SHC3: variants seen among roughly 807,000 people sequenced by gnomAD.
SHC3 encodes the protein SHC adaptor protein 3, also known as SHC-transforming protein 3.
In SHC3, 15 loss-of-function variants were observed where a neutral mutation model predicts 60.4. The ratio of observed to expected loss-of-function variants is 0.25; its 90% CI spans 0.17 to 0.38. The LOEUF is 0.38. Among genes scored for constraint, SHC3 ranks in the 10% least tolerant of loss-of-function variants. SHC3 has a pLI of 1.00. For synonymous variants in SHC3, 294 were observed against 325.9 expected, an observed-to-expected ratio of 0.90 and a Z score of 1.05; for missense variants, 677 against 786.1, an observed-to-expected ratio of 0.86 and a Z score of 1.66.
chr9:89,037,316 C>T (rs958012307), intron 11 of SHC3: 4 of 575,448 alleles, frequency 7.0e-6, no homozygotes, highest in African/African-American at 1.9e-5. Context: ...GTTGTTTTCA[C>T]TGGATAAAAG....
intron 1 of SHC3, among the ~76,000 whole-genome samples, chr9:89,166,519 C>T (rs542308343): frequency 2.2e-4 from 34 of 152,118 alleles, no homozygotes; most frequent in Non-Finnish European, 4.4e-5. Context: ...GCTTCAAGGC[C>T]GAGACTGGGA....
At chr9:89,140,445 TG>T (rs1048007915) in intron 1 of SHC3, among the ~76,000 whole-genome samples, 1 of 150,672 alleles carries the variant, frequency 6.6e-6, no homozygotes, top group African/African-American at 2.4e-5. Context: ...TGGTGGTGGG[TG>T]GGGGGGCGCA....
intron 1 of SHC3, among the ~76,000 whole-genome samples, chr9:89,177,522 G>C (rs1444591603): frequency 6.6e-6 from 1 of 152,202 alleles, no homozygotes; most frequent in African/African-American, 2.4e-5. Flanking sequence ...CTTGCTGCGG[G>C]GGGCAACAAG....
At chr9:89,064,386 G>A (rs544126693) in intron 6 of SHC3, among the ~76,000 whole-genome samples, 4 of 152,066 alleles carry the variant, frequency 2.6e-5, no homozygotes, top group African/African-American at 7.2e-5. Context: ...AGGCAGCCAC[G>A]GGACATGTGG....
chr9:89,050,069 AC>A (rs558949773), intron 7 of SHC3, among the ~76,000 whole-genome samples: 24 of 152,370 alleles, frequency 1.6e-4, no homozygotes, highest in African/African-American at 5.3e-4. Flanking sequence ...TTGGATGGAT[AC>A]ATAGATATGT....
At chr9:89,112,190 G>C (rs1401655387) in intron 2 of SHC3, among the ~76,000 whole-genome samples, 1 of 152,050 alleles carries the variant, frequency 6.6e-6, no homozygotes, top group Non-Finnish European at 1.5e-5. Flanking sequence ...AGTCTCTCTT[G>C]ACATCTTGAT....
chr9:89,125,119 G>C (rs1826146165), intron 1 of SHC3, among the ~76,000 whole-genome samples: 1 of 152,104 alleles, frequency 6.6e-6, no homozygotes, highest in Non-Finnish European at 1.5e-5. Flanking sequence ...GGAGCTGTGG[G>C]TCTGCAGCAG....
At position 89,007,380 on chromosome 9, in the gene SHC3, C is replaced by T. The variant is rs1359068853; in HGVS notation, c.*6067G>A. On this transcript the variant is annotated 3_prime_UTR_variant, in exon 12 of 12. Transcript: ENST00000375835. ...ACTTGGACACACGGGTACCTTAAGG[C>T]TTGTCACACTCCAACACCTTTGTGT... 1 of 152,280 alleles carries T rather than the reference C, an allele frequency of 6.6e-6. No homozygotes were observed. Among genetic ancestry groups the T allele is most frequent in the Non-Finnish European group, 1.5e-5 (1 of 68,066 alleles). 9.4% of individuals were successfully genotyped at this position (152,280 alleles called of 1,614,324 possible). A position where few individuals can be genotyped will look rare whatever the true frequency, so the allele number is the denominator to read the frequency against.
intron 2 of SHC3, among the ~76,000 whole-genome samples, chr9:89,104,655 G>A (rs1587729369): frequency 6.6e-6 from 1 of 152,222 alleles, no homozygotes; most frequent in East Asian, 1.9e-4. Context: ...GAGATCTTCT[G>A]TACTTTGCTG....
intron 6 of SHC3, among the ~76,000 whole-genome samples, chr9:89,059,182 ATGGTGGAGGACAG>A (rs1356374123): frequency 5.8e-5 from 6 of 104,342 alleles, no homozygotes; most frequent in Non-Finnish European, 1.2e-4. Flanking sequence ...GGTGTAGGAC[ATGGTGGAGGACAG>A]TGGTGGAGGA....
intron 2 of SHC3, among the ~76,000 whole-genome samples, chr9:89,106,088 G>T (rs1319227726): frequency 4.6e-5 from 7 of 152,162 alleles, no homozygotes; most frequent in Admixed American, 1.3e-4. Flanking sequence ...GGGGTGTCAT[G>T]CATGTTCTCT....
At chr9:89,071,999 C>G (rs750776235) in intron 4 of SHC3, among the ~76,000 whole-genome samples, 4 of 152,204 alleles carry the variant, frequency 2.6e-5, no homozygotes, top group Non-Finnish European at 5.9e-5. Context: ...ACTCCTATCT[C>G]TTTTTCTCTT....
intron 2 of SHC3, among the ~76,000 whole-genome samples, chr9:89,078,909 T>A (rs1236603910): frequency 6.6e-6 from 1 of 152,168 alleles, no homozygotes; most frequent in East Asian, 1.9e-4. Context: ...CTATAAACTT[T>A]CCGAGCTCAA....
chr9:89,124,470 A>T (rs1329043671), intron 1 of SHC3, among the ~76,000 whole-genome samples: 1 of 152,262 alleles, frequency 6.6e-6, no homozygotes, highest in African/African-American at 2.4e-5. Context: ...TGGATAAAGA[A>T]AAGTGGCACA....
At chr9:89,064,618 GT>G (rs1825146498) in intron 6 of SHC3, among the ~76,000 whole-genome samples, 2 of 152,060 alleles carry the variant, frequency 1.3e-5, no homozygotes, top group Admixed American at 6.6e-5. Flanking sequence ...GAGCATTGAG[GT>G]TTTTTTAAGC....
intron 1 of SHC3, among the ~76,000 whole-genome samples, chr9:89,122,368 A>G (rs972967300): frequency 2.6e-5 from 4 of 152,252 alleles, no homozygotes; most frequent in African/African-American, 9.6e-5. Flanking sequence ...CAGAGAAATG[A>G]TGCATTTTTA....
Position 89,013,519 on chromosome 9 carries a change from T to C in SHC3, c.1713A>G (p.Leu571=). 6.2e-7 allele frequency: 1 copy of C among 1,614,124 alleles called. No homozygotes were observed. The highest frequency in any genetic ancestry group is 8.5e-7 in the Non-Finnish European group (1 of 1,179,988). Residue 571 remains leucine, a synonymous_variant, in exon 12 of 12, where the codon CTA becomes CTG. Transcript: ENST00000375835. ...CAGAGACAATGGGCAGGCTGCTTTCTAGGTGGTGGTTGATGAGGTGGCTGA... is the reference window on the plus strand; with the variant it reads ...CAGAGACAATGGGCAGGCTGCTTTCCAGGTGGTGGTTGATGAGGTGGCTGA... ...DSISHLINHH[L]ESSLPIVSAG...
chr9:89,166,520 G>A (rs72748957), intron 1 of SHC3, among the ~76,000 whole-genome samples: 1 of 152,330 alleles, frequency 6.6e-6, no homozygotes, highest in Non-Finnish European at 1.5e-5. Flanking sequence ...CTTCAAGGCC[G>A]AGACTGGGAG....
Position 89,008,806 on chromosome 9 carries a change from C to T in SHC3, c.*4641G>A, listed in dbSNP as rs1348623895. The T allele has an allele frequency of 6.6e-6, 1 of 152,202 alleles. No individual in the cohort carries two copies. Among genetic ancestry groups the T allele is most frequent in the Non-Finnish European group, 1.5e-5 (1 of 68,054 alleles). The allele number at this position is 152,202 out of a possible 1,614,324, so 9.4% of individuals were successfully genotyped here. On this transcript the variant is annotated 3_prime_UTR_variant, in exon 12 of 12. Transcript: ENST00000375835. ...CTCGGGGTTCCCCGGTGGGATTCAG[C>T]TCCAGTTGTGCACATGACGGTAACT...
Sources: gnomAD v4.1 joint callset for allele counts (sites outside exome capture counted in the v4.1 genomes callset) on GRCh38, gnomAD v4.1.1 for gene constraint, MANE v1.5 for transcripts, NCBI Gene and HGNC (gene_info 2026-07-23, HGNC 2026-07-21) for gene names.